Variants in GRHL2 observed in about 807,000 individuals in gnomAD.
GRHL2 encodes grainyhead like transcription factor 2, also known as grainyhead-like protein 2 homolog.
GRHL2 carries 21 observed loss-of-function variants against 83.8 expected under a neutral mutation model. The ratio of observed to expected loss-of-function variants is 0.25; its 90% CI spans 0.18 to 0.36. GRHL2 has a LOEUF of 0.36. Among genes scored for constraint, GRHL2 ranks in the 10% least tolerant of loss-of-function variants. The probability of loss-of-function intolerance (pLI) is 1.00; values close to 1 mark genes in which losing one functional copy is unlikely to be tolerated. For synonymous variants in GRHL2, 280 were observed against 278.9 expected, an observed-to-expected ratio of 1.00 and a Z score of -0.04; for missense variants, 623 against 781.8, an observed-to-expected ratio of 0.80 and a Z score of 2.42.
intron 7 of GRHL2, among the ~76,000 whole-genome samples, chr8:101,587,355 G>A (rs895040601): frequency 6.6e-6 from 1 of 152,194 alleles, no homozygotes; most frequent in Admixed American, 6.5e-5. Flanking sequence ...TAATGACAGG[G>A]TAAAGCTGTC....
intron 1 of GRHL2, among the ~76,000 whole-genome samples, chr8:101,536,015 C>A (rs971912390): frequency 6.6e-6 from 1 of 152,110 alleles, no homozygotes; most frequent in African/African-American, 2.4e-5. Context: ...TGCAGCTGGA[C>A]TTTGATAAGA....
chr8:101,579,886 G>C (rs551437210), intron 7 of GRHL2, among the ~76,000 whole-genome samples: 95 of 152,286 alleles, frequency 6.2e-4, no homozygotes, highest in African/African-American at 2.2e-3. Context: ...GCCTGCAGAG[G>C]GTGAAGGAAG....
At chr8:101,599,016 T>A (rs1278823778) in intron 7 of GRHL2, 41 bp from the exon 8 acceptor site, 1 of 1,382,742 alleles carries the variant, frequency 7.2e-7, no homozygotes, top group Admixed American at 1.7e-5. Context: ...ACTGAGTCAC[T>A]CTTACTCCTT....
rs908595990 is a variant in GRHL2, at chr8:101,608,034, A to G, written c.1098+8883A>G. Among the ~76,000 whole-genome samples, 9 of 152,360 alleles carry G rather than the reference A, an allele frequency of 5.9e-5. 1 individual carries two copies. The East Asian group carries it at 7.7e-4, about 13-fold the overall frequency. The stretch of plus-strand genomic sequence containing the variant: ...TGTATTGTGCAGAGAATTAGATTGC[A>G]TACTTGGATTTCATAAAATGATTGT... On this transcript the variant is annotated intron_variant, in intron 8 of 15. Coordinates refer to ENST00000646743, the MANE Select transcript of GRHL2 (RefSeq NM_024915.4).
In GRHL2 at chr8:101,666,655, C is replaced by T. The variant is rs752547124; in HGVS notation, c.1830C>T (p.Asn610=). The T allele has an allele frequency of 6.2e-7, 1 of 1,613,754 alleles. No homozygotes were observed. The highest frequency in any genetic ancestry group is 1.1e-5 in the South Asian group (1 of 91,066). Residue 610 remains asparagine (N), a synonymous_variant, in exon 16 of 16, where the codon AAC becomes AAT. Transcript: ENST00000646743. ...CGAACGAGGACACCTTCATCCTCAA[C>T]ATGGAGAGCATGGTGGAGGGCTTCA... ...HYSNEDTFIL[N]MESMVEGFKV...
chr8:101,507,765 T>C (rs1374865212), intron 1 of GRHL2, among the ~76,000 whole-genome samples: 1 of 141,146 alleles, frequency 7.1e-6, no homozygotes, highest in Non-Finnish European at 1.5e-5. Flanking sequence ...CTTGAATGAT[T>C]ATCCCTTTTT....
At chr8:101,645,611 CA>C (rs1185242191) in intron 13 of GRHL2, among the ~76,000 whole-genome samples, 1 of 152,126 alleles carries the variant, frequency 6.6e-6, no homozygotes, top group African/African-American at 2.4e-5. Context: ...TCGGCGTCCT[CA>C]TCTGTAAAAA....
chr8:101,632,773 A>C (rs1813212670), intron 11 of GRHL2, among the ~76,000 whole-genome samples: 1 of 152,200 alleles, frequency 6.6e-6, no homozygotes, highest in African/African-American at 2.4e-5. Context: ...CTTAAATAAA[A>C]CTCATTCAAC....
chr8:101,650,568 T>C (rs976784088), intron 14 of GRHL2, among the ~76,000 whole-genome samples: 1 of 152,128 alleles, frequency 6.6e-6, no homozygotes, highest in Non-Finnish European at 1.5e-5. Flanking sequence ...AAAAGCCACA[T>C]GTGGTATGAT....
At chr8:101,501,734 G>A (rs1036860846) in intron 1 of GRHL2, among the ~76,000 whole-genome samples, 1 of 152,170 alleles carries the variant, frequency 6.6e-6, no homozygotes, top group Non-Finnish European at 1.5e-5. Flanking sequence ...CGTAGGGCAT[G>A]TGAGTGAGCA....
chr8:101,619,979 A>T (rs1197216710), intron 9 of GRHL2, among the ~76,000 whole-genome samples: 1 of 151,848 alleles, frequency 6.6e-6, no homozygotes, highest in Admixed American at 6.6e-5. Flanking sequence ...AAAACCATAG[A>T]CTGGATGGCT....
chr8:101,513,509 T>TTTTTTTTTTTTG (rs1288238491), intron 1 of GRHL2, among the ~76,000 whole-genome samples: 1 of 146,842 alleles, frequency 6.8e-6, no homozygotes, highest in Admixed American at 6.8e-5. Context: ...GCTTTTTTTT[T>TTTTTTTTTTTTG]TGGAGATGGA....
At chr8:101,549,590 C>T (rs1369180791) in intron 2 of GRHL2, among the ~76,000 whole-genome samples, 1 of 152,192 alleles carries the variant, frequency 6.6e-6, no homozygotes, top group Non-Finnish European at 1.5e-5. Context: ...GGATGCTTGA[C>T]AGTCCAGAAA....
intron 1 of GRHL2, among the ~76,000 whole-genome samples, chr8:101,537,450 A>G (rs1472978325): frequency 6.6e-6 from 1 of 152,196 alleles, no homozygotes; most frequent in African/African-American, 2.4e-5. Context: ...TTACAAAAGC[A>G]AAAAAATGGC....
At chr8:101,567,797 A>G (rs1811745452) in intron 4 of GRHL2, among the ~76,000 whole-genome samples, 1 of 152,216 alleles carries the variant, frequency 6.6e-6, no homozygotes, top group Non-Finnish European at 1.5e-5. Flanking sequence ...GGGGGATTAG[A>G]ACCACAGAAT....
At chr8:101,553,623 CTTTTTTTT>C (rs1184533206) in intron 3 of GRHL2, among the ~76,000 whole-genome samples, 1 of 106,846 alleles carries the variant, frequency 9.4e-6, no homozygotes, top group African/African-American at 3.7e-5. Context: ...TCATCCACTT[CTTTTTTTT>C]TTTTTTTTTT....
At chr8:101,651,231 G>A (rs925671054) in intron 14 of GRHL2, among the ~76,000 whole-genome samples, 12 of 152,206 alleles carry the variant, frequency 7.9e-5, no homozygotes, top group Middle Eastern at 3.4e-3. Context: ...ACTCCAATCT[G>A]GCCTTTAAGA....
chr8:101,673,045 TGAAG>T (rs1563639196), downstream of GRHL2, among the ~76,000 whole-genome samples: 1 of 150,008 alleles, frequency 6.7e-6, no homozygotes, highest in African/African-American at 2.5e-5. Flanking sequence ...AAAGAGCTCC[TGAAG>T]GAAGCGCTAA....
At chr8:101,680,315 A>G in the GRHL2 span, among the ~76,000 whole-genome samples, 1 of 141,016 alleles carries the variant, frequency 7.1e-6, no homozygotes, top group East Asian at 2.2e-4. Flanking sequence ...AACAAACATC[A>G]AAAGAGACAA....
Sources: gnomAD v4.1 joint callset for allele counts (sites outside exome capture counted in the v4.1 genomes callset) on GRCh38, gnomAD v4.1.1 for gene constraint, MANE v1.5 for transcripts, NCBI Gene and HGNC (gene_info 2026-07-23, HGNC 2026-07-21) for gene names.